The following ATM variants were observed in gnomAD, a reference collection of about 807,000 sequenced individuals.
ATM encodes the protein ATM serine/threonine kinase.
Under a neutral mutation model 387.0 loss-of-function variants are expected in ATM, and 308 were observed. The ratio of observed to expected loss-of-function variants is 0.80; its 90% CI spans 0.73 to 0.87. The LOEUF (loss-of-function observed/expected upper bound fraction) is 0.87. Among genes scored for constraint, ATM ranks in the 40% least tolerant of loss-of-function variants. ATM has a pLI of 0.00. For missense variants in ATM, 3,312 were observed against 3,560.9 expected, an observed-to-expected ratio of 0.93 and a Z score of 1.78; for synonymous variants, 1,156 against 1,187.3, an observed-to-expected ratio of 0.97 and a Z score of 0.54.
chr11:108,359,386 A>G (rs2090430914), intron 61 of ATM, among the ~76,000 whole-genome samples: 1 of 152,156 alleles, frequency 6.6e-6, no homozygotes, highest in Admixed American at 6.5e-5. Flanking sequence ...AGACAGATCA[A>G]CGAGATAAAA....
intron 25 of ATM, among the ~76,000 whole-genome samples, chr11:108,283,927 C>T (rs1245173832): frequency 6.6e-6 from 1 of 152,072 alleles, no homozygotes; most frequent in Non-Finnish European, 1.5e-5. Context: ...ATTCAAGTCT[C>T]CATTTTTATT....
chr11:108,308,950 T>C (rs1434014950), intron 38 of ATM: 3 of 1,440,836 alleles, frequency 2.1e-6, no homozygotes, highest in South Asian at 2.4e-5. Context: ...CAGTTTTACC[T>C]TTGAGTCATT....
chr11:108,336,393 A>G lies in ATM; in HGVS notation c.8268+432A>G, dbSNP rs139697311. ...GTGAAGGACCAAATAATAAAGATTT[A>G]TTTTCTTTGTAAAAAGTATTTATTA... is the stretch of plus-strand genomic sequence containing the variant. On this transcript the variant is annotated intron_variant, in intron 56 of 62. Transcript: ENST00000675843. 2.0e-3 allele frequency: 324 copies of G among 158,554 alleles called. 3 individuals carry two copies. Among genetic ancestry groups the G allele is most frequent in the African/African-American group, 6.6e-3 (275 of 41,596 alleles). 9.8% of individuals were successfully genotyped at this position (158,554 alleles called of 1,614,324 possible).
Position 108,302,857 on chromosome 11 carries a change from T to C in ATM, c.5324T>C (p.Leu1775Ser), listed in dbSNP as rs1256064321. The change falls in exon 36 of 63, where the codon TTA (leucine) becomes TCA (serine). Residue 1775 changes from leucine to serine, a missense_variant. Physicochemically the swap from Leu to Ser is moderately radical, Grantham distance 145. Around this residue, in one of 4 missense-constraint regions of ATM, gnomAD observed 1,405 missense variants for 1,604.4 expected, o/e 0.88. Coordinates refer to ENST00000675843, the MANE Select transcript of ATM (RefSeq NM_000051.4). ...QPFRTSRKKF[L>S]EVPRFDKENP... is the part of the protein sequence containing the mutation. Reference sequence around the variant, plus strand: ...TTCTAATCCCTTTCTTTCTAGTTTTTAGAAGTACCCAGATTTGACAAAGAA... The same window carrying C: ...TTCTAATCCCTTTCTTTCTAGTTTTCAGAAGTACCCAGATTTGACAAAGAA... 2 of 1,611,350 alleles carry C rather than the reference T, an allele frequency of 1.2e-6. No homozygotes were observed. Among genetic ancestry groups the C allele is most frequent in the East Asian group, 4.5e-5 (2 of 44,806 alleles).
At chr11:108,293,042 C>T (rs992173042) in intron 30 of ATM, among the ~76,000 whole-genome samples, 2 of 152,106 alleles carry the variant, frequency 1.3e-5, no homozygotes, top group Non-Finnish European at 2.9e-5. Flanking sequence ...CAGTTCGCAA[C>T]GTTATGGTGG....
rs876658833 is a variant in ATM at position 108,249,059 on chromosome 11, G to C, written c.1192G>C (p.Asp398His). The C allele has an allele frequency of 6.2e-7, 1 of 1,613,988 alleles. No homozygotes were observed. Among genetic ancestry groups the C allele is most frequent in the East Asian group, 2.2e-5 (1 of 44,852 alleles). Residue 398 changes from aspartate (D) to histidine (H), a missense_variant, in exon 9 of 63, where the codon GAT (aspartate) becomes CAT (histidine). Around this residue, in one of 4 missense-constraint regions of ATM, gnomAD observed 1,791 missense variants for 1,804.5 expected, o/e 0.99. Coordinates refer to ENST00000675843, the MANE Select transcript of ATM (RefSeq NM_000051.4). ...AGAACTAGGCTGGGAAGTAATAAAA[G>C]ATCACCTTCAGAAGTCACAGAATGA... ...KIELGWEVIK[D>H]HLQKSQNDFD... is the part of the protein sequence containing the mutation.
chr11:108,333,583 TCTATGTA>T (rs1346679968), intron 53 of ATM, among the ~76,000 whole-genome samples: 1 of 152,256 alleles, frequency 6.6e-6, no homozygotes, highest in African/African-American at 2.4e-5. Flanking sequence ...GAGTATGTTA[TCTATGTA>T]CTATGCAAAC....
chr11:108,233,693 A>G (rs995445676), intron 4 of ATM, among the ~76,000 whole-genome samples: 3 of 152,070 alleles, frequency 2.0e-5, no homozygotes, highest in Non-Finnish European at 4.4e-5. Flanking sequence ...AAAAAACTAA[A>G]AAAATTAGCT....
intron 43 of ATM, 44 bp downstream of exon 43, chr11:108,317,565 A>C (rs769089413): frequency 6.5e-7 from 1 of 1,532,368 alleles, no homozygotes; most frequent in Non-Finnish European, 8.8e-7. Flanking sequence ...CTCTCTCCTC[A>C]TTCTAAACAA....
At position 108,362,422 on chromosome 11, in the gene ATM, C is replaced by G. The variant is rs1330531283; in HGVS notation, c.8851-2660C>G. 3.3e-5 allele frequency among the ~76,000 whole-genome samples: 5 copies of G among 151,730 alleles called. No homozygotes were observed. The South Asian group carries it at 1.0e-3, about 32-fold the overall frequency. ...CTCAGGGATCTAGAATTAGAAATAC[C>G]ATTTGACCCAGCCATCCCATTACTG... On this transcript the variant is annotated intron_variant, in intron 61 of 62. Transcript: ENST00000675843.
intron 16 of ATM, among the ~76,000 whole-genome samples, chr11:108,266,376 G>A (rs867736921): frequency 5.3e-5 from 8 of 151,490 alleles, no homozygotes; most frequent in South Asian, 2.1e-4. Flanking sequence ...TCAGTAAACT[G>A]TCGCAAGAAG....
At chr11:108,330,536 C>T in intron 50 of ATM, 115 bp downstream of exon 50, 1 of 1,025,182 alleles carries the variant, frequency 9.8e-7, no homozygotes, top group Non-Finnish European at 1.5e-6. Flanking sequence ...GTCCAGTGCT[C>T]TACACATAAG....
chr11:108,321,859 C>T (rs2085258815), intron 45 of ATM, among the ~76,000 whole-genome samples: 1 of 151,548 alleles, frequency 6.6e-6, no homozygotes, highest in South Asian at 2.1e-4. Context: ...AGTTGATTAG[C>T]CCTAGTGAAT....
At chr11:108,327,397 C>CA in intron 47 of ATM, 1 of 437,502 alleles carries the variant, frequency 2.3e-6, no homozygotes, top group South Asian at 2.2e-5. Flanking sequence ...AAGTGTCTGA[C>CA]ATATATAAGT....
In ATM at chr11:108,320,034, T is replaced by A; in HGVS notation, c.6428T>A (p.Phe2143Tyr). 6.2e-7 allele frequency: 1 copy of A among 1,605,394 alleles called. No individual in the cohort carries two copies. The highest frequency in any genetic ancestry group is 8.5e-7 in the Non-Finnish European group (1 of 1,172,204). Residue 2143 changes from phenylalanine (F) to tyrosine (Y), a missense_variant, in exon 44 of 63, where the codon TTT (phenylalanine) becomes TAT (tyrosine). Phe to Tyr is a conservative substitution (Grantham distance 22). This residue lies in a region of ATM where 1,405 missense variants were observed against 1,604.4 expected (regional missense o/e 0.88). Transcript: ENST00000675843. ...QSLRDREFSTFYESLKYARVK... is the reference protein window; with the variant it reads ...QSLRDREFSTYYESLKYARVK... ...CTAAGAGACAGAGAATTCTCTACAT[T>A]TTATGAAAGTCTCAAATATGCCAGG...
At chr11:108,267,446 T>G (rs2081320473) in intron 17 of ATM, 104 bp downstream of exon 17, 1 of 998,418 alleles carries the variant, frequency 1.0e-6, no homozygotes, top group African/African-American at 1.6e-5. Context: ...TCATTTTCTC[T>G]TAGTATAGCC....
intron 59 of ATM, among the ~76,000 whole-genome samples, chr11:108,347,630 G>A (rs982130300): frequency 2.6e-5 from 4 of 152,092 alleles, no homozygotes; most frequent in African/African-American, 4.8e-5. Flanking sequence ...AGAAGATAGA[G>A]CAGATTCAAA....
chr11:108,316,174 A>G (rs1472997665), intron 42 of ATM, 61 bp downstream of exon 42: 4 of 1,419,994 alleles, frequency 2.8e-6, no homozygotes, highest in Non-Finnish European at 4.0e-6. Context: ...TTATTTCAGT[A>G]TGTTGGTGGA....
chr11:108,239,560 G>T (rs1466868332), intron 5 of ATM, among the ~76,000 whole-genome samples: 3 of 152,172 alleles, frequency 2.0e-5, no homozygotes, highest in African/African-American at 7.2e-5. Flanking sequence ...GTGGACATGG[G>T]TTGTTTCTAC....
Sources: gnomAD v4.1 joint callset for allele counts (sites outside exome capture counted in the v4.1 genomes callset) on GRCh38, gnomAD v4.1.1 for gene constraint, gnomAD v4.1.1 regional missense constraint, MANE v1.5 for transcripts, NCBI Gene and HGNC (gene_info 2026-07-23, HGNC 2026-07-21) for gene names.